KIF11: variants seen among roughly 807,000 people sequenced by gnomAD.
KIF11 encodes the protein kinesin-like protein KIF11.
A neutral mutation model predicts 121.0 loss-of-function variants in KIF11; 9 were observed. That is an observed-to-expected ratio of 0.07 (90% CI 0.04 to 0.13). The LOEUF (loss-of-function observed/expected upper bound fraction) is 0.13, where lower values mean the gene tolerates loss of function less well. Ranked by LOEUF, KIF11 falls within the 10% of genes least tolerant of loss-of-function variation. The probability of loss-of-function intolerance (pLI) is 1.00; values close to 1 mark genes in which losing one functional copy is unlikely to be tolerated. For synonymous variants in KIF11, 408 were observed against 421.0 expected, an observed-to-expected ratio of 0.97 and a Z score of 0.38; for missense variants, 846 against 1,217.5, an observed-to-expected ratio of 0.69 and a Z score of 4.54.
chr10:92,617,114 T>A (rs1246360060), intron 9 of KIF11, among the ~76,000 whole-genome samples: 1 of 152,244 alleles, frequency 6.6e-6, no homozygotes, highest in Non-Finnish European at 1.5e-5. Flanking sequence ...ATAATTTACA[T>A]GCCATAACAT....
intron 1 of KIF11, among the ~76,000 whole-genome samples, chr10:92,601,708 A>ATT (rs35982149): frequency 3.8e-4 from 54 of 142,048 alleles, no homozygotes; most frequent in African/African-American, 1.1e-3. Flanking sequence ...TAAAAAAATA[A>ATT]TTTTTTTTTT....
chr10:92,615,097 A>G (rs958519843), intron 8 of KIF11, among the ~76,000 whole-genome samples: 1 of 152,004 alleles, frequency 6.6e-6, no homozygotes, highest in African/African-American at 2.4e-5. Context: ...CACTTGACCT[A>G]AATGGATTTT....
chr10:92,608,730 C>T (rs1460766955), intron 4 of KIF11, among the ~76,000 whole-genome samples: 1 of 152,156 alleles, frequency 6.6e-6, no homozygotes, highest in South Asian at 2.1e-4. Context: ...AGCCACCGTG[C>T]CTGGCCGAAC....
At chr10:92,593,503 C>T (rs1844255711) in intron 1 of KIF11, 51 bp downstream of exon 1, 1 of 1,512,866 alleles carries the variant, frequency 6.6e-7, no homozygotes, top group East Asian at 2.3e-5. Flanking sequence ...GCTGCTGGGC[C>T]CCCTACTGCG....
chr10:92,620,824 T>G (rs1044862079), intron 9 of KIF11, among the ~76,000 whole-genome samples: 4 of 152,192 alleles, frequency 2.6e-5, no homozygotes, highest in Non-Finnish European at 5.9e-5. Flanking sequence ...GAGAACAGCA[T>G]GGAAAAGATC....
chr10:92,651,358 G>A (rs1460427963), intron 21 of KIF11, among the ~76,000 whole-genome samples: 3 of 142,582 alleles, frequency 2.1e-5, no homozygotes, highest in Admixed American at 1.4e-4. Flanking sequence ...CTTTTGAGAC[G>A]GAGCTTCGCT....
In KIF11 at chr10:92,651,530, T is replaced by A. The variant is rs1304640244; in HGVS notation, c.3039+1013T>A. Reference sequence around the variant, plus strand: ...TTGTTTTTTTTTTTTTTTTTTTTTTTTTTTTTTTTTTTTTTTTTAGTAGAG... The same window carrying A: ...TTGTTTTTTTTTTTTTTTTTTTTTTATTTTTTTTTTTTTTTTTTAGTAGAG... On this transcript the variant is annotated intron_variant, in intron 21 of 21. Coordinates refer to ENST00000260731, the MANE Select transcript of KIF11 (RefSeq NM_004523.4). Among the ~76,000 whole-genome samples the A allele has an allele frequency of 4.6e-3, 562 of 121,284 alleles. 30 individuals carry two copies. Among genetic ancestry groups the A allele is most frequent in the Non-Finnish European group, 6.6e-3 (368 of 55,384 alleles). The allele number at this position is 121,284 out of a possible 152,430, so 79.6% of individuals were successfully genotyped here.
intron 4 of KIF11, 121 bp from the exon 5 acceptor site, chr10:92,608,894 TTTTTG>T: frequency 1.8e-6 from 1 of 551,664 alleles, no homozygotes; most frequent in African/African-American, 1.9e-5. Context: ...GTTGTTTCTT[TTTTTG>T]TTTTGTTTTA....
In KIF11 at chr10:92,613,967, C is replaced by A. The variant is rs572255703; in HGVS notation, c.1032+348C>A. 6.9e-6 allele frequency among the ~76,000 whole-genome samples: 1 copy of A among 145,702 alleles called. No homozygotes were observed. Among genetic ancestry groups the A allele is most frequent in the South Asian group, 2.2e-4 (1 of 4,622 alleles). On this transcript the variant is annotated intron_variant, in intron 8 of 21. Coordinates refer to ENST00000260731, the MANE Select transcript of KIF11 (RefSeq NM_004523.4). The surrounding 1 kb of genome is among the most constrained non-coding windows in gnomAD (Gnocchi z 4.2). ...CTCCAGCCTGGGTGGCAGAGGGAGA[C>A]CCCATCTCAAAAAAAAAAAAGTATG...
intron 21 of KIF11, among the ~76,000 whole-genome samples, chr10:92,651,769 C>G (rs1844988340): frequency 6.6e-6 from 1 of 151,602 alleles, no homozygotes; most frequent in Admixed American, 6.6e-5. Context: ...CCTTAATGTT[C>G]TCTATGGGTA....
Position 92,621,381 on chromosome 10 carries a change from G to A in KIF11, c.1129-4G>A. Reference sequence around the variant, plus strand: ...CTGACACCTACAACATTCCTCTTGTGTAGGAGTATACGGAGGAGATAGAAC... The same window carrying A: ...CTGACACCTACAACATTCCTCTTGTATAGGAGTATACGGAGGAGATAGAAC... On this transcript the variant is annotated splice_region_variant and splice_polypyrimidine_tract_variant and intron_variant, in intron 9 of 21. Transcript: ENST00000260731. The A allele has an allele frequency of 6.3e-7, 1 of 1,589,276 alleles. No homozygotes were observed. The highest frequency in any genetic ancestry group is 2.2e-5 in the East Asian group (1 of 44,652).
intron 21 of KIF11, among the ~76,000 whole-genome samples, chr10:92,651,507 G>GTATTTTTTCTTTTTTTT (rs1554863366): frequency 1.9e-5 from 1 of 52,956 alleles, no homozygotes; most frequent in Non-Finnish European, 4.2e-5. Flanking sequence ...GGCTAATTTT[G>GTATTTTTTCTTTTTTTT]TTTTTTTTTT....
chr10:92,651,525 T>G (rs866027414), intron 21 of KIF11, among the ~76,000 whole-genome samples: 3 of 94,342 alleles, frequency 3.2e-5, no homozygotes, highest in East Asian at 2.8e-4. Context: ...TTTTTTTTTT[T>G]TTTTTTTTTT....
At chr10:92,605,276 A>G (rs984165253) in intron 1 of KIF11, among the ~76,000 whole-genome samples, 1 of 152,214 alleles carries the variant, frequency 6.6e-6, no homozygotes, top group Non-Finnish European at 1.5e-5. Context: ...AATATTACCA[A>G]CCTCACAGTG....
At chr10:92,600,273 G>T (rs1377719799) in intron 1 of KIF11, among the ~76,000 whole-genome samples, 1 of 152,070 alleles carries the variant, frequency 6.6e-6, no homozygotes, top group Non-Finnish European at 1.5e-5. Flanking sequence ...AAAGTGTTGG[G>T]ATTACAGGCG....
intron 1 of KIF11, among the ~76,000 whole-genome samples, chr10:92,597,636 GGGTT>G: frequency 7.0e-6 from 1 of 143,768 alleles, no homozygotes; most frequent in East Asian, 2.0e-4. Flanking sequence ...TTTTTCCCTT[GGGTT>G]TGTTTGTTTG....
Position 92,630,383 on chromosome 10 carries a change from T to C in KIF11, c.1494+19T>C, listed in dbSNP as rs772198429. ...CAGCAAGGTTTGTCCCTTGTGTTGA[T>C]TTGTACTCATATTAAGTAGAGAATG... On this transcript the variant is annotated intron_variant, in intron 12 of 21. Coordinates refer to ENST00000260731, the MANE Select transcript of KIF11 (RefSeq NM_004523.4). The C allele has an allele frequency of 6.7e-7, 1 of 1,491,816 alleles. No homozygotes were observed. The highest frequency in any genetic ancestry group is 2.5e-5 in the Admixed American group (1 of 40,780). The allele number at this position is 1,491,816 out of a possible 1,614,324, so 92.4% of individuals were successfully genotyped here. A position where few individuals can be genotyped will look rare whatever the true frequency, so the allele number is the denominator to read the frequency against.
chr10:92,649,617 G>A (rs966464523), intron 19 of KIF11, among the ~76,000 whole-genome samples: 1 of 152,078 alleles, frequency 6.6e-6, no homozygotes, highest in Non-Finnish European at 1.5e-5. Flanking sequence ...ATGTTTTAGA[G>A]AGTAGGATGA....
In KIF11 at chr10:92,650,043, C is replaced by T. The variant is rs6583833; in HGVS notation, c.2922+57C>T. 0.54 allele frequency: 724,335 copies of T among 1,334,038 alleles called. 200,927 individuals carry two copies. Among genetic ancestry groups the T allele is most frequent in the East Asian group, 0.77 (30,986 of 40,274 alleles). The allele number at this position is 1,334,038 out of a possible 1,614,324, so 82.6% of individuals were successfully genotyped here. Reference sequence around the variant, plus strand: ...ACTCTTTTATGAACTCTTGATGTGGCTGACTTCATGTGAAGAATTTTACTG... The same window carrying T: ...ACTCTTTTATGAACTCTTGATGTGGTTGACTTCATGTGAAGAATTTTACTG... On this transcript the variant is annotated intron_variant, in intron 20 of 21. Transcript: ENST00000260731.
Sources: gnomAD v4.1 joint callset for allele counts (sites outside exome capture counted in the v4.1 genomes callset) on GRCh38, gnomAD v4.1.1 for gene constraint, Gnocchi (gnomAD v3.1) non-coding constraint, MANE v1.5 for transcripts, NCBI Gene and HGNC (gene_info 2026-07-23, HGNC 2026-07-21) for gene names.